TRPM1: variants seen among roughly 807,000 people sequenced by gnomAD.
TRPM1 encodes transient receptor potential cation channel subfamily M member 1.
In TRPM1, 113 loss-of-function variants were observed where a neutral mutation model predicts 149.4. That is an observed-to-expected ratio of 0.76 (90% CI 0.65 to 0.88). The LOEUF (loss-of-function observed/expected upper bound fraction) is 0.88. Among genes scored for constraint, TRPM1 ranks in the 40% least tolerant of loss-of-function variants. TRPM1 has a pLI of 0.00. For missense variants in TRPM1, 1,976 were observed against 2,038.7 expected (o/e 0.97, Z 0.59); for synonymous variants, 741 against 759.5 (o/e 0.98, Z 0.40).
At chr15:31,020,121 A>G (rs1243292805) in intron 27 of TRPM1, among the ~76,000 whole-genome samples, 3 of 152,240 alleles carry the variant, frequency 2.0e-5, no homozygotes, top group South Asian at 2.1e-4. Flanking sequence ...AATTCAAGTC[A>G]TCTAATCATT....
At position 31,003,071 on chromosome 15, in the gene TRPM1, C is replaced by T. The variant is rs745341246; in HGVS notation, c.3630-1G>A. 43 of 1,601,652 alleles carry T rather than the reference C, an allele frequency of 2.7e-5. No homozygotes were observed. The highest frequency in any genetic ancestry group is 3.7e-5 in the Non-Finnish European group (43 of 1,176,062). ...CAACCTCATTGACATATTTTCAACT[C>T]TGGTGAATATAAAGGGATAGATTTA... is the stretch of plus-strand genomic sequence containing the variant. On this transcript the variant is annotated splice_acceptor_variant, in intron 27 of 27. Transcript: ENST00000256552. LOFTEE classifies it high-confidence loss of function.
chr15:31,111,186 A>T (rs2035683260), intron 1 of TRPM1, among the ~76,000 whole-genome samples: 1 of 152,192 alleles, frequency 6.6e-6, no homozygotes, highest in Non-Finnish European at 1.5e-5. Context: ...GAGCTTCCGG[A>T]AATTCCTAGC....
At chr15:31,025,071 T>C (rs1039241121) in intron 27 of TRPM1, among the ~76,000 whole-genome samples, 1 of 152,192 alleles carries the variant, frequency 6.6e-6, no homozygotes, top group Non-Finnish European at 1.5e-5. Context: ...CTGTGAATTC[T>C]GTTGTAATTG....
At chr15:31,059,751 C>T (rs1028807701) in intron 11 of TRPM1, among the ~76,000 whole-genome samples, 22 of 152,286 alleles carry the variant, frequency 1.4e-4, no homozygotes, top group Middle Eastern at 3.4e-3. Flanking sequence ...CTAGATATTC[C>T]TACTACCTTT....
chr15:31,056,933 A>G (rs140470421), intron 11 of TRPM1, among the ~76,000 whole-genome samples: 89 of 152,282 alleles, frequency 5.8e-4, no homozygotes, highest in African/African-American at 2.1e-3. Flanking sequence ...CACAACACAG[A>G]CTCAGACAGT....
chr15:31,148,446 A>G (rs1165721465), intron 1 of TRPM1, among the ~76,000 whole-genome samples: 1 of 152,150 alleles, frequency 6.6e-6, no homozygotes, highest in Non-Finnish European at 1.5e-5. Flanking sequence ...GATTATGTAA[A>G]TCAAAGTCCA....
At chr15:31,056,940 C>G (rs557876719) in intron 11 of TRPM1, among the ~76,000 whole-genome samples, 3 of 152,294 alleles carry the variant, frequency 2.0e-5, no homozygotes, top group South Asian at 2.1e-4. Context: ...CAGACTCAGA[C>G]AGTAATTCTC....
intron 1 of TRPM1, among the ~76,000 whole-genome samples, chr15:31,140,905 T>C (rs1483202343): frequency 6.6e-6 from 1 of 152,112 alleles, no homozygotes; most frequent in Non-Finnish European, 1.5e-5. Context: ...CACTGCAACC[T>C]CCAACTCCTG....
intron 3 of TRPM1, among the ~76,000 whole-genome samples, chr15:31,072,016 TATAG>T (rs1276297467): frequency 0.014 from 419 of 30,614 alleles, 1 homozygote; most frequent in Non-Finnish European, 0.017. Context: ...TATATATATA[TATAG>T]AGAGAGAGAG....
intron 12 of TRPM1, 25 bp downstream of exon 12, chr15:31,050,384 G>A (rs751544365): frequency 6.2e-6 from 10 of 1,614,106 alleles, no homozygotes; most frequent in East Asian, 2.2e-5. Context: ...TGCCAAGCTC[G>A]TGATCTCTGT....
In TRPM1 at chr15:31,002,543, T is replaced by C; in HGVS notation, c.4157A>G (p.Asp1386Gly). 6.2e-7 allele frequency: 1 copy of C among 1,614,192 alleles called. No homozygotes were observed. Among genetic ancestry groups the C allele is most frequent in the Admixed American group, 1.7e-5 (1 of 60,028 alleles). ...LGPDIGISKE[D>G]DERQTDSKKE... ...TTTAGAGTCTGTCTGTCTTTCATCATCTTCCTTTGAAATCCCAATATCTGG... is the reference window on the plus strand; with the variant it reads ...TTTAGAGTCTGTCTGTCTTTCATCACCTTCCTTTGAAATCCCAATATCTGG... Residue 1386 changes from aspartate to glycine, a missense_variant, in exon 28 of 28, where the codon GAT becomes GGT. Asp to Gly is a moderately conservative substitution (Grantham distance 94, BLOSUM62 -1). Coordinates refer to ENST00000256552, the MANE Select transcript of TRPM1 (RefSeq NM_001252024.2).
chr15:31,046,181 T>G, intron 16 of TRPM1, 23 bp downstream of exon 16: 1 of 1,611,292 alleles, frequency 6.2e-7, no homozygotes, highest in South Asian at 1.1e-5. Flanking sequence ...ATTATAAAAC[T>G]GTTGAAAACA....
intron 1 of TRPM1, among the ~76,000 whole-genome samples, chr15:31,088,442 C>G (rs778148096): frequency 2.0e-5 from 3 of 152,204 alleles, no homozygotes; most frequent in South Asian, 2.1e-4. Flanking sequence ...AGCTGTAACA[C>G]TGACTGTACG....
At chr15:31,149,565 G>A (rs895709841) in intron 1 of TRPM1, among the ~76,000 whole-genome samples, 1 of 147,626 alleles carries the variant, frequency 6.8e-6, no homozygotes, top group African/African-American at 2.5e-5. Context: ...TTTCGCCCAG[G>A]CTGGACTGCA....
At chr15:31,115,994 A>G (rs2035792812) in intron 1 of TRPM1, among the ~76,000 whole-genome samples, 1 of 151,956 alleles carries the variant, frequency 6.6e-6, no homozygotes, top group African/African-American at 2.4e-5. Flanking sequence ...CTCTTTTATG[A>G]GGGCACTAAT....
intron 17 of TRPM1, among the ~76,000 whole-genome samples, chr15:31,041,445 C>T (rs925449797): frequency 1.3e-5 from 2 of 152,136 alleles, no homozygotes; most frequent in Admixed American, 6.5e-5. Context: ...CCACCGTGCC[C>T]GGCCAGGAGA....
At chr15:31,080,144 A>G (rs1257303058) in intron 2 of TRPM1, among the ~76,000 whole-genome samples, 1 of 152,228 alleles carries the variant, frequency 6.6e-6, no homozygotes, top group African/African-American at 2.4e-5. Context: ...GAAAGTCCCT[A>G]TTAAATGTGG....
intron 1 of TRPM1, among the ~76,000 whole-genome samples, chr15:31,153,072 AC>A (rs1243483389): frequency 6.6e-6 from 1 of 152,228 alleles, no homozygotes; most frequent in Non-Finnish European, 1.5e-5. Context: ...TATTTCTTTG[AC>A]ATATTTTGGA....
intron 1 of TRPM1, among the ~76,000 whole-genome samples, chr15:31,112,076 TAG>T (rs1170906833): frequency 3.3e-5 from 5 of 152,098 alleles, no homozygotes; most frequent in Non-Finnish European, 5.9e-5. Context: ...AACAGAAAGG[TAG>T]AGAGTGTGAG....
Sources: allele counts gnomAD v4.1 joint callset (sites outside exome capture counted in the v4.1 genomes callset), GRCh38; gene constraint gnomAD v4.1.1; transcripts MANE v1.5; gene names NCBI Gene and HGNC (gene_info 2026-07-23, HGNC 2026-07-21).